The following GTF2IRD1 variants were observed in gnomAD, a reference collection of about 807,000 sequenced individuals.
GTF2IRD1 encodes general transcription factor II-I repeat domain-containing protein 1.
Under a neutral mutation model 113.2 loss-of-function variants are expected in GTF2IRD1, and 26 were observed. The ratio of observed to expected loss-of-function variants is 0.23; its 90% CI spans 0.17 to 0.32. The LOEUF is 0.32. Ranked by LOEUF, GTF2IRD1 falls within the 10% of genes least tolerant of loss-of-function variation. GTF2IRD1 has a pLI of 1.00. For synonymous variants in GTF2IRD1, 484 were observed against 529.1 expected, an observed-to-expected ratio of 0.91 and a Z score of 1.17; for missense variants, 864 against 1,280.8, an observed-to-expected ratio of 0.67 and a Z score of 4.97.
chr7:74,477,201 T>G (rs1326769093), intron 1 of GTF2IRD1, among the ~76,000 whole-genome samples: 1 of 152,018 alleles, frequency 6.6e-6, no homozygotes, highest in East Asian at 1.9e-4. Flanking sequence ...CCATCTCTAC[T>G]AAAAATACAA....
rs782449340 is a variant in GTF2IRD1, at chr7:74,547,303, T to A, written c.1916+17T>A. Reference sequence around the variant, plus strand: ...CATCAAGAGGTAAGGCCCAACCAGGTCCATGGGAGACAGCACCGGCCCTGC... The same window carrying A: ...CATCAAGAGGTAAGGCCCAACCAGGACCATGGGAGACAGCACCGGCCCTGC... On this transcript the variant is annotated intron_variant, in intron 17 of 26. Transcript: ENST00000424337. 16 of 1,588,766 alleles carry A rather than the reference T, an allele frequency of 1.0e-5. No individual in the cohort carries two copies. The highest frequency in any genetic ancestry group is 1.3e-5 in the Non-Finnish European group (15 of 1,168,934).
intron 14 of GTF2IRD1, 132 bp from the exon 15 acceptor site, chr7:74,544,623 T>G: frequency 2.7e-6 from 2 of 751,994 alleles, no homozygotes; most frequent in Non-Finnish European, 4.6e-6. Flanking sequence ...CCTGATCCCA[T>G]TGGAGTGGGT....
chr7:74,551,198 C>T (rs1438542363), intron 17 of GTF2IRD1, among the ~76,000 whole-genome samples: 39 of 152,264 alleles, frequency 2.6e-4, no homozygotes, highest in African/African-American at 9.4e-4. Context: ...CACAAATTAG[C>T]TGGGCGTGGT....
At chr7:74,508,018 ATATGAGACAAGC>A in intron 1 of GTF2IRD1, 45 bp from the exon 2 acceptor site, 1 of 1,554,908 alleles carries the variant, frequency 6.4e-7, no homozygotes, top group Non-Finnish European at 8.7e-7. Context: ...GGCAGCCACC[ATATGAGACAAGC>A]CCCCTGCCTT....
intron 25 of GTF2IRD1, among the ~76,000 whole-genome samples, chr7:74,597,162 T>C (rs1220886839): frequency 1.3e-5 from 2 of 150,846 alleles, no homozygotes; most frequent in African/African-American, 4.9e-5. Flanking sequence ...CCTGCCTCAG[T>C]TTCCCAAGTA....
chr7:74,496,211 G>A (rs979771003), intron 1 of GTF2IRD1, among the ~76,000 whole-genome samples: 1 of 151,744 alleles, frequency 6.6e-6, no homozygotes, highest in Non-Finnish European at 1.5e-5. Flanking sequence ...ATGTGTATGG[G>A]GTGTCTGCAT....
intron 1 of GTF2IRD1, among the ~76,000 whole-genome samples, chr7:74,504,797 G>A (rs755619110): frequency 7.1e-5 from 10 of 140,506 alleles, no homozygotes; most frequent in African/African-American, 1.6e-4. Context: ...AACCTCCACC[G>A]CCGGGGTTCC....
At chr7:74,560,785 T>C (rs1217974515) in intron 22 of GTF2IRD1, among the ~76,000 whole-genome samples, 1 of 151,850 alleles carries the variant, frequency 6.6e-6, no homozygotes, top group Non-Finnish European at 1.5e-5. Flanking sequence ...TTCACCATAT[T>C]GGCTAGGCTG....
At chr7:74,553,728 C>CGGCT (rs1242441158) in intron 17 of GTF2IRD1, among the ~76,000 whole-genome samples, 1 of 152,146 alleles carries the variant, frequency 6.6e-6, no homozygotes, top group Non-Finnish European at 1.5e-5. Flanking sequence ...CCTTGGCAGC[C>CGGCT]GGCTGTGCTA....
Position 74,540,947 on chromosome 7 carries a change from A to G in GTF2IRD1, c.1618+979A>G, listed in dbSNP as rs1454588262. Among the ~76,000 whole-genome samples the G allele has an allele frequency of 2.0e-5, 3 of 151,738 alleles. No individual in the cohort carries two copies. The East Asian group carries it at 6.1e-4, about 31-fold the overall frequency. On this transcript the variant is annotated intron_variant, in intron 14 of 26. Transcript: ENST00000424337. ...TGGTTAATTTTTTTGTATTTTTAGTAGAGACGGGGTTTCACCATGATGGTC... is the reference window on the plus strand; with the variant it reads ...TGGTTAATTTTTTTGTATTTTTAGTGGAGACGGGGTTTCACCATGATGGTC...
At chr7:74,558,766 C>T (rs1017029) in intron 20 of GTF2IRD1, 95 bp from the exon 21 acceptor site, 137,670 of 889,706 alleles carry the variant, frequency 0.15, 11,406 homozygotes, top group Middle Eastern at 0.24. Flanking sequence ...CTCTCCTGCA[C>T]GCATGTCTTT....
At chr7:74,481,189 C>T (rs1359925034) in intron 1 of GTF2IRD1, among the ~76,000 whole-genome samples, 2 of 152,216 alleles carry the variant, frequency 1.3e-5, no homozygotes, top group Admixed American at 6.5e-5. Flanking sequence ...AGGTCTTGCT[C>T]TATCGCCCAG....
At chr7:74,565,445 A>C (rs1409569646) in intron 22 of GTF2IRD1, among the ~76,000 whole-genome samples, 1 of 152,124 alleles carries the variant, frequency 6.6e-6, no homozygotes, top group Non-Finnish European at 1.5e-5. Flanking sequence ...GAATCACTTG[A>C]ACCTGGGAGG....
rs1224239368 is a variant in GTF2IRD1, at chr7:74,515,727, C to T, written c.421+131C>T. On this transcript the variant is annotated intron_variant, in intron 4 of 26. Transcript: ENST00000424337. ...AGCCGGACCCCAAGGCATGGGGCTA[C>T]TGGCTACCCCAGCCCTTCCTCATCT... 1.6e-5 allele frequency: 11 copies of T among 705,148 alleles called. No homozygotes were observed. The South Asian group carries it at 1.9e-4, about 12-fold the overall frequency. 43.7% of individuals were successfully genotyped at this position (705,148 alleles called of 1,614,324 possible).
At chr7:74,508,690 T>TAAAAAAAAAA (rs35760074) in intron 2 of GTF2IRD1, among the ~76,000 whole-genome samples, 63 of 132,054 alleles carry the variant, frequency 4.8e-4, no homozygotes, top group African/African-American at 1.6e-3. Context: ...GACTCCGTCT[T>TAAAAAAAAAA]AAAAAAAAAA....
At chr7:74,482,659 C>A (rs536554351) in intron 1 of GTF2IRD1, among the ~76,000 whole-genome samples, 1 of 152,266 alleles carries the variant, frequency 6.6e-6, no homozygotes, top group East Asian at 1.9e-4. Context: ...CCTCTCACCC[C>A]CTTCCAGTTA....
chr7:74,461,126 C>T (rs113571491), intron 1 of GTF2IRD1, among the ~76,000 whole-genome samples: 1,555 of 152,292 alleles, frequency 0.01, 23 homozygotes, highest in African/African-American at 0.034. Flanking sequence ...TGGTGTGACC[C>T]CGTGGGGATG....
Position 74,539,757 on chromosome 7 carries a change from A to G in GTF2IRD1, c.1529-122A>G, listed in dbSNP as rs188718794. Reference sequence around the variant, plus strand: ...AGACTCCATCTCAAACCAAAAAAAAAAAAGAGACAGAAAGAAAAGGACCCT... The same window carrying G: ...AGACTCCATCTCAAACCAAAAAAAAGAAAGAGACAGAAAGAAAAGGACCCT... On this transcript the variant is annotated intron_variant, in intron 13 of 26. Transcript: ENST00000424337. The G allele has an allele frequency of 2.6e-4, 167 of 644,358 alleles. 3 individuals are homozygous for G. The highest frequency in any genetic ancestry group is 2.3e-3 in the South Asian group (123 of 52,534). The allele number at this position is 644,358 out of a possible 1,614,324, so 39.9% of individuals were successfully genotyped here.
At chr7:74,563,594 A>G (rs1800111030) in intron 22 of GTF2IRD1, among the ~76,000 whole-genome samples, 1 of 151,076 alleles carries the variant, frequency 6.6e-6, no homozygotes, top group Non-Finnish European at 1.5e-5. Context: ...AAAAAAAAAG[A>G]ATGGCTCTAA....
Sources: gnomAD v4.1 joint callset for allele counts (sites outside exome capture counted in the v4.1 genomes callset) on GRCh38, gnomAD v4.1.1 for gene constraint, MANE v1.5 for transcripts, NCBI Gene and HGNC (gene_info 2026-07-23, HGNC 2026-07-21) for gene names.